Variants in IRAK2 observed in about 807,000 individuals in gnomAD.
The protein encoded by IRAK2 is interleukin-1 receptor-associated kinase-like 2.
Under a neutral mutation model 72.0 loss-of-function variants are expected in IRAK2, and 57 were observed. The observed-to-expected ratio is 0.79, with a 90% CI of 0.64 to 0.99. The LOEUF (loss-of-function observed/expected upper bound fraction) is 0.99. Ranked by LOEUF, IRAK2 falls within the 50% of genes least tolerant of loss-of-function variation. IRAK2 has a pLI of 0.00. For synonymous variants in IRAK2, 293 were observed against 312.7 expected (o/e 0.94, Z 0.67); for missense variants, 790 against 794.4 (o/e 0.99, Z 0.07).
chr3:10,194,960 C>G (rs1011352599), intron 2 of IRAK2, among the ~76,000 whole-genome samples: 1 of 152,138 alleles, frequency 6.6e-6, no homozygotes, highest in Non-Finnish European at 1.5e-5. Flanking sequence ...CCCAAGTGTG[C>G]TGACAGGTCT....
intron 8 of IRAK2, among the ~76,000 whole-genome samples, chr3:10,221,615 A>G (rs901681157): frequency 6.6e-6 from 1 of 150,572 alleles, no homozygotes; most frequent in Non-Finnish European, 1.5e-5. Context: ...ACAGTGGCGC[A>G]ATCTCAGCTC....
chr3:10,180,388 A>C (rs1235930681), intron 2 of IRAK2, among the ~76,000 whole-genome samples: 1 of 152,156 alleles, frequency 6.6e-6, no homozygotes, highest in Non-Finnish European at 1.5e-5. Context: ...CTAGTACAGA[A>C]ATGGGCAGGC....
At position 10,222,804 on chromosome 3, in the gene IRAK2, G is replaced by T. The variant is rs948367040; in HGVS notation, c.1182G>T (p.Lys394Asn). 2.5e-6 allele frequency: 4 copies of T among 1,614,072 alleles called. No homozygotes were observed. The highest frequency in any genetic ancestry group is 3.4e-6 in the Non-Finnish European group (4 of 1,180,048). Residue 394 changes from lysine to asparagine, a missense_variant, in exon 9 of 13, where the codon AAG becomes AAT. Coordinates refer to ENST00000256458, the MANE Select transcript of IRAK2 (RefSeq NM_001570.4). ...EDFIRVGQLT[K>N]RVDIFSCGIV... ...TCATCCGGGTGGGGCAGCTGACAAA[G>T]CGAGTGGACATCTTCAGCTGTGGAA...
In IRAK2 at chr3:10,167,483, C is replaced by T. The variant is rs553546992; in HGVS notation, c.94+2435C>T. Among the ~76,000 whole-genome samples the T allele has an allele frequency of 3.3e-4, 50 of 151,768 alleles. 1 individual carries two copies. The East Asian group carries it at 3.3e-3, about 10-fold the overall frequency. ...AGGCTGGAGTGCAGTGGCGCAATCT[C>T]GGCTCACTGCAAGCTCCACCTCCTG... On this transcript the variant is annotated intron_variant, in intron 1 of 12. Transcript: ENST00000256458.
intron 2 of IRAK2, among the ~76,000 whole-genome samples, chr3:10,194,266 C>G (rs1032788905): frequency 1.3e-5 from 2 of 152,266 alleles, no homozygotes; most frequent in South Asian, 4.1e-4. Flanking sequence ...CTTCCCCACG[C>G]TTACTCTTGT....
intron 10 of IRAK2, among the ~76,000 whole-genome samples, chr3:10,228,895 CAT>C (rs1400048881): frequency 2.0e-5 from 3 of 151,724 alleles, no homozygotes; most frequent in Non-Finnish European, 4.4e-5. Context: ...AACATGCACA[CAT>C]GTGAGGAGAG....
chr3:10,184,189 A>G (rs1440176963), intron 2 of IRAK2, among the ~76,000 whole-genome samples: 1 of 152,216 alleles, frequency 6.6e-6, no homozygotes, highest in Non-Finnish European at 1.5e-5. Context: ...ACTTTCCCTC[A>G]TAAGCTATTG....
intron 2 of IRAK2, among the ~76,000 whole-genome samples, chr3:10,192,351 T>C (rs1697189763): frequency 6.6e-6 from 1 of 152,202 alleles, no homozygotes; most frequent in African/African-American, 2.4e-5. Context: ...CTGAGTCCCC[T>C]CTGCTCCAAC....
chr3:10,222,694 C>A lies in IRAK2; in HGVS notation c.1072C>A (p.Leu358Met), dbSNP rs77590560. 2.2e-4 allele frequency: 348 copies of A among 1,614,222 alleles called. 3 individuals carry two copies. The African/African-American group carries it at 4.2e-3, about 19-fold the overall frequency. ...CAAACTTGCTCACCCAATGGCTCAT[C>A]TGTGTCCTGTCAACAAAAGGTCAAA... The part of the protein sequence containing the change: ...TPKLAHPMAH[L>M]CPVNKRSKYT... Residue 358 changes from leucine to methionine, a missense_variant, in exon 9 of 13, where the codon CTG becomes ATG. Physicochemically the swap from Leu to Met is conservative, Grantham distance 15 (BLOSUM62 2). Transcript: ENST00000256458.
intron 1 of IRAK2, among the ~76,000 whole-genome samples, chr3:10,175,132 ATTTT>A: frequency 6.6e-6 from 1 of 151,904 alleles, no homozygotes; most frequent in East Asian, 1.9e-4. Context: ...TTTATTTTTA[ATTTT>A]TATATTTTTG....
At position 10,238,860 on chromosome 3, in the gene IRAK2, C is replaced by G; in HGVS notation, c.1586C>G (p.Thr529Arg). 1 of 1,614,124 alleles carries G rather than the reference C, an allele frequency of 6.2e-7. No individual in the cohort carries two copies. The highest frequency in any genetic ancestry group is 1.1e-5 in the South Asian group (1 of 91,082). ...TGSSSNTPEETDDVDNSSLDA... is the reference protein window; with the variant it reads ...TGSSSNTPEERDDVDNSSLDA... ...TCTTCTTCCAACACCCCAGAGGAAA[C>G]AGACGACGTTGACAATTCCAGCCTT... The change falls in exon 12 of 13, where the codon ACA becomes AGA. Residue 529 changes from threonine (T) to arginine (R), a missense_variant. Transcript: ENST00000256458.
At chr3:10,202,849 G>A (rs938163599) in intron 3 of IRAK2, among the ~76,000 whole-genome samples, 5 of 151,632 alleles carry the variant, frequency 3.3e-5, no homozygotes, top group Non-Finnish European at 5.9e-5. Flanking sequence ...ACATCACTAC[G>A]GCCGGCTAAT....
intron 4 of IRAK2, among the ~76,000 whole-genome samples, chr3:10,211,445 CGCCAAAA>C (rs1697520140): frequency 6.6e-6 from 1 of 152,032 alleles, no homozygotes; most frequent in Non-Finnish European, 1.5e-5. Context: ...TGCCTGGCCT[CGCCAAAA>C]AAAAAAGTTT....
At position 10,213,265 on chromosome 3, in the gene IRAK2, T is replaced by G. The variant is rs1697551634; in HGVS notation, c.587T>G (p.Leu196Arg). Residue 196 changes from leucine (L) to arginine (R), a missense_variant, in exon 5 of 13, where the codon CTT becomes CGT. Transcript: ENST00000256458. ...CTTTTGAGCTTGGCTGGAGACAGCCTTTTCTGGAGTGAGGCAGACGTGGTC... is the reference window on the plus strand; with the variant it reads ...CTTTTGAGCTTGGCTGGAGACAGCCGTTTCTGGAGTGAGGCAGACGTGGTC... ...EKLLSLAGDS[L>R]FWSEADVVQA... The G allele has an allele frequency of 1.2e-6, 2 of 1,614,138 alleles. No homozygotes were observed. Among genetic ancestry groups the G allele is most frequent in the East Asian group, 2.2e-5 (1 of 44,880 alleles).
At chr3:10,205,246 C>T (rs562355924) in intron 3 of IRAK2, among the ~76,000 whole-genome samples, 33 of 152,228 alleles carry the variant, frequency 2.2e-4, no homozygotes, top group Admixed American at 5.9e-4. Flanking sequence ...GTTTCTCCTA[C>T]CACAGATAAC....
rs200072178 is a variant in IRAK2 at position 10,179,452 on chromosome 3, T to A, written c.277+1432T>A. ...ACATCCAGCTAATTTTTTTTTTTTT[T>A]ATATGAAGTCTCTCTCTGTTGCCCA... On this transcript the variant is annotated intron_variant, in intron 2 of 12. Coordinates refer to ENST00000256458, the MANE Select transcript of IRAK2 (RefSeq NM_001570.4). Among the ~76,000 whole-genome samples the A allele has an allele frequency of 2.7e-5, 4 of 149,702 alleles. No homozygotes were observed. The East Asian group carries it at 7.8e-4, about 29-fold the overall frequency.
chr3:10,173,416 T>G (rs990888343), intron 1 of IRAK2, among the ~76,000 whole-genome samples: 12 of 152,220 alleles, frequency 7.9e-5, no homozygotes, highest in African/African-American at 2.9e-4. Context: ...TTCCCAAATA[T>G]TCTACGATGA....
At chr3:10,234,127 G>A (rs1045951421) in intron 10 of IRAK2, among the ~76,000 whole-genome samples, 2 of 152,248 alleles carry the variant, frequency 1.3e-5, no homozygotes, top group Non-Finnish European at 2.9e-5. Flanking sequence ...CTCCCAAAGT[G>A]CTAAGATTAC....
intron 3 of IRAK2, among the ~76,000 whole-genome samples, chr3:10,202,465 T>A (rs1196809759): frequency 6.6e-6 from 1 of 151,702 alleles, no homozygotes; most frequent in East Asian, 1.9e-4. Context: ...CTATTAAAAA[T>A]ACAAAAAATT....
Sources: gnomAD v4.1 joint callset for allele counts (sites outside exome capture counted in the v4.1 genomes callset) on GRCh38, gnomAD v4.1.1 for gene constraint, MANE v1.5 for transcripts, NCBI Gene and HGNC (gene_info 2026-07-23, HGNC 2026-07-21) for gene names.